ZMYND8: variants seen among roughly 807,000 people sequenced by gnomAD.
ZMYND8 encodes the protein zinc finger MYND-type containing 8.
In ZMYND8, 37 loss-of-function variants were observed where a neutral mutation model predicts 140.8. That is an observed-to-expected ratio of 0.26 (90% CI 0.20 to 0.35). The LOEUF (loss-of-function observed/expected upper bound fraction) is 0.35, where lower values mean the gene tolerates loss of function less well. Ranked by LOEUF, ZMYND8 falls within the 10% of genes least tolerant of loss-of-function variation. The pLI is 1.00. For synonymous variants in ZMYND8, 592 were observed against 597.1 expected (o/e 0.99, Z 0.12); for missense variants, 1,068 against 1,570.0 (o/e 0.68, Z 5.40).
At chr20:47,227,350 A>C in intron 17 of ZMYND8, 69 bp from the exon 18 acceptor site, 2 of 1,465,300 alleles carry the variant, frequency 1.4e-6, no homozygotes, top group Non-Finnish European at 1.9e-6. Context: ...TCAGAAGCTC[A>C]ACCACGGCTG....
rs540566589 is a variant in ZMYND8, at chr20:47,276,644, G to C, written c.1150C>G (p.Pro384Ala). ...RRKFGVFNYS[P>A]FRTPYTPNSQ... is the part of the protein sequence containing the mutation. ...TTGGGTGTGTAGGGTGTCCTAAATG[G>C]AGAGTAATTAAAAACCCCAAACTTC... The change falls in exon 11 of 23, where the codon CCA becomes GCA. Residue 384 changes from proline (P) to alanine (A), a missense_variant. Coordinates refer to ENST00000471951, the MANE Select transcript of ZMYND8 (RefSeq NM_001281775.3). 1 of 1,613,860 alleles carries C rather than the reference G, an allele frequency of 6.2e-7. No individual in the cohort carries two copies. Among genetic ancestry groups the C allele is most frequent in the East Asian group, 2.2e-5 (1 of 44,826 alleles).
At position 47,238,670 on chromosome 20, in the gene ZMYND8, A is replaced by C. The variant is rs572661160; in HGVS notation, c.2665+88T>G. 4 of 1,541,484 alleles carry C rather than the reference A, an allele frequency of 2.6e-6. No individual in the cohort carries two copies. In the African/African-American group the frequency reaches 4.1e-5, roughly 16 times the overall value. ...GCCCGGAAACAAACGAGAACTAAAA[A>C]AAAAAAATAAAAGAGCAATGACTTT... On this transcript the variant is annotated intron_variant, in intron 15 of 22. Coordinates refer to ENST00000471951, the MANE Select transcript of ZMYND8 (RefSeq NM_001281775.3).
intron 5 of ZMYND8, among the ~76,000 whole-genome samples, chr20:47,293,103 C>T (rs1207314565): frequency 4.0e-5 from 4 of 99,346 alleles, no homozygotes; most frequent in East Asian, 3.1e-4. Context: ...GAGGGAGGGA[C>T]GAGGAAAGAA....
intron 2 of ZMYND8, among the ~76,000 whole-genome samples, chr20:47,336,517 C>T (rs1282151979): frequency 1.3e-5 from 2 of 152,144 alleles, no homozygotes; most frequent in Non-Finnish European, 2.9e-5. Context: ...ACAGGGGAGC[C>T]TTTGTATGGA....
At chr20:47,350,369 A>G (rs1464680024) in intron 1 of ZMYND8, among the ~76,000 whole-genome samples, 1 of 151,626 alleles carries the variant, frequency 6.6e-6, no homozygotes, top group Non-Finnish European at 1.5e-5. Context: ...TTACAAAAGC[A>G]AAGACCAGAA....
At chr20:47,232,911 T>G (rs1262658425) in intron 16 of ZMYND8, among the ~76,000 whole-genome samples, 2 of 148,398 alleles carry the variant, frequency 1.3e-5, no homozygotes, top group Non-Finnish European at 3.0e-5. Flanking sequence ...TTTTTGTTTT[T>G]TTTTTTTTTT....
At chr20:47,248,974 T>TAA (rs1568987155) in intron 13 of ZMYND8, among the ~76,000 whole-genome samples, 14 of 86,328 alleles carry the variant, frequency 1.6e-4, no homozygotes, top group African/African-American at 8.1e-4. Flanking sequence ...TGATGCGTAC[T>TAA]GAGGAGAGCA....
At chr20:47,355,672 G>C (rs1304759140) in intron 1 of ZMYND8, 1 of 178,972 alleles carries the variant, frequency 5.6e-6, no homozygotes, top group African/African-American at 2.4e-5. Context: ...CACAGGAGAA[G>C]AGAGGAGGAT....
Position 47,297,328 on chromosome 20 carries a change from A to G in ZMYND8, c.453+1401T>C, listed in dbSNP as rs558606823. On this transcript the variant is annotated intron_variant, in intron 4 of 22. Coordinates refer to ENST00000471951, the MANE Select transcript of ZMYND8 (RefSeq NM_001281775.3). The stretch of plus-strand genomic sequence containing the variant: ...ACAAAAGTATGACAGACACTGTCCT[A>G]TAGCTGGCTTTTTTCCCTACTAAAG... 9.9e-4 allele frequency among the ~76,000 whole-genome samples: 150 copies of G among 152,270 alleles called. 3 individuals are homozygous for G. In the South Asian group the frequency reaches 0.03, roughly 31 times the overall value.
At chr20:47,322,476 C>A (rs2080045841) in intron 2 of ZMYND8, among the ~76,000 whole-genome samples, 1 of 140,902 alleles carries the variant, frequency 7.1e-6, no homozygotes, top group African/African-American at 2.7e-5. Context: ...GAATCTCACT[C>A]TGTCTCCAGG....
At chr20:47,253,367 T>A (rs2074338929) in intron 12 of ZMYND8, among the ~76,000 whole-genome samples, 1 of 151,970 alleles carries the variant, frequency 6.6e-6, no homozygotes, top group Non-Finnish European at 1.5e-5. Context: ...TGAAATGCCA[T>A]CTCTACTAAA....
intron 6 of ZMYND8, 49 bp from the exon 7 acceptor site, chr20:47,290,323 A>G: frequency 6.6e-7 from 1 of 1,518,546 alleles, no homozygotes; most frequent in Admixed American, 1.8e-5. Context: ...TAGACAAGCC[A>G]CAGTCAGTGA....
chr20:47,267,699 C>T (rs2075635252), intron 11 of ZMYND8, among the ~76,000 whole-genome samples: 1 of 152,170 alleles, frequency 6.6e-6, no homozygotes, highest in Non-Finnish European at 1.5e-5. Flanking sequence ...GCACCTCATT[C>T]CCCAGAATAA....
intron 2 of ZMYND8, among the ~76,000 whole-genome samples, chr20:47,313,491 G>T (rs539414191): frequency 6.6e-6 from 1 of 151,748 alleles, no homozygotes; most frequent in Non-Finnish European, 1.5e-5. Context: ...GCGTGGTGGC[G>T]GGCGCCTGTA....
intron 2 of ZMYND8, among the ~76,000 whole-genome samples, chr20:47,334,605 A>ATAT (rs1556420980): frequency 5.2e-4 from 74 of 141,722 alleles, no homozygotes; most frequent in African/African-American, 8.2e-4. Flanking sequence ...GAAAAAAAAA[A>ATAT]ATATATATAT....
chr20:47,222,733 AAAG>A (rs1299709676), intron 19 of ZMYND8, among the ~76,000 whole-genome samples: 1 of 152,260 alleles, frequency 6.6e-6, no homozygotes, highest in African/African-American at 2.4e-5. Context: ...AAGTCTCTAC[AAAG>A]AAGACATCTC....
At chr20:47,265,927 T>A (rs1047143438) in intron 11 of ZMYND8, among the ~76,000 whole-genome samples, 1 of 152,108 alleles carries the variant, frequency 6.6e-6, no homozygotes, top group Non-Finnish European at 1.5e-5. Context: ...AATAAGGGTG[T>A]CAGGAAAACA....
At position 47,235,474 on chromosome 20, in the gene ZMYND8, G is replaced by A. The variant is rs187597808; in HGVS notation, c.2856+852C>T. Among the ~76,000 whole-genome samples the A allele has an allele frequency of 6.8e-3, 1,033 of 152,216 alleles. 13 individuals are homozygous for A. The highest frequency in any genetic ancestry group is 0.024 in the African/African-American group (995 of 41,516). On this transcript the variant is annotated intron_variant, in intron 16 of 22. Coordinates refer to ENST00000471951, the MANE Select transcript of ZMYND8 (RefSeq NM_001281775.3). ...AATCCCAGCACTTTGAGAGGCCGAG[G>A]TGGGTGGATCACCCGAGGTCAGGAG...
intron 4 of ZMYND8, among the ~76,000 whole-genome samples, chr20:47,295,130 C>T (rs1161420022): frequency 2.0e-5 from 3 of 152,186 alleles, no homozygotes; most frequent in Non-Finnish European, 4.4e-5. Context: ...TGGTGGCTCA[C>T]GCCTGTAATC....
Sources: gnomAD v4.1 joint callset for allele counts (sites outside exome capture counted in the v4.1 genomes callset) on GRCh38, gnomAD v4.1.1 for gene constraint, MANE v1.5 for transcripts, NCBI Gene and HGNC (gene_info 2026-07-23, HGNC 2026-07-21) for gene names.